Variants in RC3H2 observed in about 807,000 individuals in gnomAD.
RC3H2 encodes roquin-2.
A neutral mutation model predicts 133.3 loss-of-function variants in RC3H2; 31 were observed. That is an observed-to-expected ratio of 0.23 (90% CI 0.17 to 0.31). The LOEUF (loss-of-function observed/expected upper bound fraction) is 0.31. Among genes scored for constraint, RC3H2 ranks in the 10% least tolerant of loss-of-function variants. The pLI, the probability that RC3H2 is intolerant of heterozygous loss-of-function variation, is 1.00. For synonymous variants in RC3H2, 517 were observed against 502.2 expected, an observed-to-expected ratio of 1.03 and a Z score of -0.40; for missense variants, 1,175 against 1,437.2, an observed-to-expected ratio of 0.82 and a Z score of 2.95.
At chr9:122,883,059 A>G in intron 5 of RC3H2, 145 bp downstream of exon 5, 1 of 676,914 alleles carries the variant, frequency 1.5e-6, no homozygotes, top group Non-Finnish European at 2.4e-6. Context: ...GTGGTATCAC[A>G]GATGCAATCA....
chr9:122,900,983 C>T lies in RC3H2; in HGVS notation c.-67-3407G>A, dbSNP rs527839542. 7.9e-5 allele frequency among the ~76,000 whole-genome samples: 12 copies of T among 152,294 alleles called. 1 individual carries two copies. The highest frequency in any genetic ancestry group is 6.8e-3 in the Middle Eastern group (2 of 294). On this transcript the variant is annotated intron_variant, in intron 1 of 20. Coordinates refer to ENST00000357244, the MANE Select transcript of RC3H2 (RefSeq NM_001100588.3). Reference sequence around the variant, plus strand: ...GTGCTGACACATAAAACAGGAAGCACAATAGGCATCTCTTATATGATTCAA... The same window carrying T: ...GTGCTGACACATAAAACAGGAAGCATAATAGGCATCTCTTATATGATTCAA...
At chr9:122,853,536 G>A (rs1285539091) in intron 18 of RC3H2, among the ~76,000 whole-genome samples, 1 of 152,152 alleles carries the variant, frequency 6.6e-6, no homozygotes, top group African/African-American at 2.4e-5. Context: ...CAGATCACTT[G>A]AGGTCAGGAG....
At position 122,848,401 on chromosome 9, in the gene RC3H2, G is replaced by C. The variant is rs1427498540; in HGVS notation, c.*1226C>G. On this transcript the variant is annotated 3_prime_UTR_variant, in exon 21 of 21. Coordinates refer to ENST00000357244, the MANE Select transcript of RC3H2 (RefSeq NM_001100588.3). ...TCAGTACAATACCTCCCACAAATCT[G>C]ATGCATGACTTGTTGAACACATTGT... 1 of 152,164 alleles carries C rather than the reference G, an allele frequency of 6.6e-6. No individual in the cohort carries two copies. 9.4% of individuals were successfully genotyped at this position (152,164 alleles called of 1,614,324 possible).
chr9:122,865,607 A>G lies in RC3H2; in HGVS notation c.1376T>C (p.Leu459Pro). The change falls in exon 10 of 21, where the codon CTT becomes CCT. Residue 459 changes from leucine (L) to proline (P), a missense_variant. Physicochemically the swap from Leu to Pro is moderately conservative, Grantham distance 98. Around this residue, in one of 8 missense-constraint regions of RC3H2, gnomAD observed 490 missense variants for 492.8 expected, o/e 0.99. Transcript: ENST00000357244. ...KINATVRTFP[L>P]LNKVGVNNTV... is the part of the protein sequence containing the mutation. ...GTTGTTTACACCAACTTTATTTAGA[A>G]GAGGAAACGTTCTTACAGTGGCATT... is the stretch of plus-strand genomic sequence containing the variant. 2 of 1,614,022 alleles carry G rather than the reference A, an allele frequency of 1.2e-6. No homozygotes were observed. Among genetic ancestry groups the G allele is most frequent in the South Asian group, 1.1e-5 (1 of 91,082 alleles).
intron 18 of RC3H2, 93 bp from the exon 19 acceptor site, chr9:122,851,529 G>A: frequency 6.7e-7 from 1 of 1,501,242 alleles, no homozygotes; most frequent in Admixed American, 2.0e-5. Flanking sequence ...TCTTTCCATG[G>A]TCTCCCTCTC....
At chr9:122,877,076 T>C (rs963095045) in intron 9 of RC3H2, among the ~76,000 whole-genome samples, 1 of 152,170 alleles carries the variant, frequency 6.6e-6, no homozygotes, top group African/African-American at 2.4e-5. Flanking sequence ...CCAGATCTTA[T>C]ATGTTTTGTT....
chr9:122,878,406 G>A (rs1030629095), intron 8 of RC3H2, among the ~76,000 whole-genome samples: 3 of 151,900 alleles, frequency 2.0e-5, no homozygotes, highest in Non-Finnish European at 4.4e-5. Context: ...AAGTAGCTGG[G>A]ACTACAGGCG....
chr9:122,850,610 T>C (rs1222077004), intron 20 of RC3H2, among the ~76,000 whole-genome samples: 1 of 151,636 alleles, frequency 6.6e-6, no homozygotes, highest in Admixed American at 6.6e-5. Context: ...GCCCAGCTAA[T>C]TTTTTTGTAT....
chr9:122,859,898 A>T lies in RC3H2; in HGVS notation c.1849+19T>A, dbSNP rs1564288315. 6.5e-7 allele frequency: 1 copy of T among 1,550,280 alleles called. No individual in the cohort carries two copies. The highest frequency in any genetic ancestry group is 2.2e-5 in the East Asian group (1 of 44,524). ...AAACAATGTTTCTTTTTTTCTTAGA[A>T]TTGTCTAAAATTACTCACCTGTCTG... On this transcript the variant is annotated intron_variant, in intron 11 of 20. Transcript: ENST00000357244.
chr9:122,853,999 G>C lies in RC3H2; in HGVS notation c.3070C>G (p.Leu1024Val), dbSNP rs752276054. ...TCCTTGCTTAAAAGGTTTAAGGTAA[G>C]GTGACGGCCTTCATCCAGGGAATTC... ...KWNSLDEGRHLTLNLLSKEIE... is the reference protein window; with the variant it reads ...KWNSLDEGRHVTLNLLSKEIE... The change falls in exon 18 of 21, where the codon CTT (leucine) becomes GTT (valine). Residue 1024 changes from leucine (L) to valine (V), a missense_variant. Physicochemically the swap from Leu to Val is conservative, Grantham distance 32. Transcript: ENST00000357244. 6.2e-7 allele frequency: 1 copy of C among 1,614,206 alleles called. No individual in the cohort carries two copies. Among genetic ancestry groups the C allele is most frequent in the African/African-American group, 1.3e-5 (1 of 75,062 alleles).
intron 1 of RC3H2, among the ~76,000 whole-genome samples, chr9:122,899,606 A>C (rs1278198305): frequency 1.3e-5 from 2 of 152,218 alleles, no homozygotes; most frequent in Admixed American, 6.5e-5. Flanking sequence ...CCATCAATCT[A>C]AAAACCAATT....
At chr9:122,870,027 T>G (rs1830995086) in intron 9 of RC3H2, among the ~76,000 whole-genome samples, 2 of 152,176 alleles carry the variant, frequency 1.3e-5, no homozygotes, top group South Asian at 4.1e-4. Flanking sequence ...CTCATTATTC[T>G]TTTCCTCAGA....
chr9:122,901,071 A>T (rs571607852), intron 1 of RC3H2, among the ~76,000 whole-genome samples: 1 of 152,342 alleles, frequency 6.6e-6, no homozygotes, highest in African/African-American at 2.4e-5. Context: ...AGTCCACCAT[A>T]TTATGCAGCC....
chr9:122,905,171 T>G lies in RC3H2; in HGVS notation c.-129A>C, dbSNP rs1832794866. 1 of 985,292 alleles carries G rather than the reference T, an allele frequency of 1.0e-6. No homozygotes were observed. The highest frequency in any genetic ancestry group is 1.2e-6 in the Non-Finnish European group (1 of 829,930). The allele number at this position is 985,292 out of a possible 1,614,324, so 61.0% of individuals were successfully genotyped here. ...CCGGGAGCCCCGCGACGGCGCGGCT[T>G]GGCGACGGAGGCGCCTCGTCTCGCC... On this transcript the variant is annotated 5_prime_UTR_variant, in exon 1 of 21. Transcript: ENST00000357244.
intron 8 of RC3H2, among the ~76,000 whole-genome samples, chr9:122,879,210 A>G (rs1014554442): frequency 4.0e-5 from 6 of 151,784 alleles, no homozygotes. Flanking sequence ...AGCCTGGCCA[A>G]CATGGTAAAA....
At chr9:122,900,934 C>G (rs1270666865) in intron 1 of RC3H2, among the ~76,000 whole-genome samples, 1 of 152,140 alleles carries the variant, frequency 6.6e-6, no homozygotes, top group Non-Finnish European at 1.5e-5. Context: ...AATAATTTTC[C>G]AGACTGTAAG....
chr9:122,859,285 G>A (rs1035414080), intron 11 of RC3H2, among the ~76,000 whole-genome samples, 183 bp from the exon 12 acceptor site: 4 of 90,786 alleles, frequency 4.4e-5, no homozygotes, highest in Non-Finnish European at 5.6e-5. Context: ...GGTAGAGACA[G>A]GGTCTTGCTA....
rs374325703 is a variant in RC3H2 at position 122,853,615 on chromosome 9, G to C, written c.3117+337C>G. 7 of 421,296 alleles carry C rather than the reference G, an allele frequency of 1.7e-5. No individual in the cohort carries two copies. The East Asian group carries it at 3.6e-4, about 21-fold the overall frequency. The allele number at this position is 421,296 out of a possible 1,614,324, so 26.1% of individuals were successfully genotyped here. ...AAAAACACAAAAATTAGCTGGGCAT[G>C]GTGGTGGGTGCCTGTAATCCCAGCT... On this transcript the variant is annotated intron_variant, in intron 18 of 20. Transcript: ENST00000357244.
At chr9:122,904,939 C>T (rs561080956) in intron 1 of RC3H2, among the ~76,000 whole-genome samples, 171 bp downstream of exon 1, 2 of 152,312 alleles carry the variant, frequency 1.3e-5, no homozygotes, top group East Asian at 1.9e-4. Flanking sequence ...GGGGCCTCCG[C>T]AGGGCCCGGG....
Sources: gnomAD v4.1 joint callset for allele counts (sites outside exome capture counted in the v4.1 genomes callset) on GRCh38, gnomAD v4.1.1 for gene constraint, gnomAD v4.1.1 regional missense constraint, MANE v1.5 for transcripts, NCBI Gene and HGNC (gene_info 2026-07-23, HGNC 2026-07-21) for gene names.